The following TWIST2 variants were observed in gnomAD, a reference collection of about 807,000 sequenced individuals.
TWIST2 encodes the protein twist-related protein 2.
TWIST2 carries 1 observed loss-of-function variant against 11.6 expected under a neutral mutation model. The ratio of observed to expected loss-of-function variants is 0.09; its 90% CI spans 0.03 to 0.41. The LOEUF (loss-of-function observed/expected upper bound fraction) is 0.41, where lower values mean the gene tolerates loss of function less well. Among genes scored for constraint, TWIST2 ranks in the 10% least tolerant of loss-of-function variants. The probability of loss-of-function intolerance (pLI) is 0.98; values close to 1 mark genes in which losing one functional copy is unlikely to be tolerated. For synonymous variants in TWIST2, 87 were observed against 96.6 expected (o/e 0.90, Z 0.58); for missense variants, 168 against 226.4 (o/e 0.74, Z 1.66).
chr2:238,849,654 G>T (rs1338375178), intron 1 of TWIST2, among the ~76,000 whole-genome samples: 1 of 152,238 alleles, frequency 6.6e-6, no homozygotes, highest in Non-Finnish European at 1.5e-5. Context: ...CGGGCCCTGC[G>T]CGAGGAGAAG....
intron 1 of TWIST2, among the ~76,000 whole-genome samples, 155 bp from the exon 2 acceptor site, chr2:238,909,687 G>C (rs2106377588): frequency 6.6e-6 from 1 of 152,254 alleles, no homozygotes; most frequent in African/African-American, 2.4e-5. Flanking sequence ...CACCTGCCCA[G>C]TGTCTTTTGG....
chr2:238,890,957 C>T (rs191368267), intron 1 of TWIST2, among the ~76,000 whole-genome samples: 5 of 152,298 alleles, frequency 3.3e-5, no homozygotes, highest in Admixed American at 6.5e-5. Flanking sequence ...ACCTGCACCC[C>T]GGGACCTTGC....
chr2:238,893,436 G>C (rs1693172467), intron 1 of TWIST2, among the ~76,000 whole-genome samples: 1 of 152,154 alleles, frequency 6.6e-6, no homozygotes, highest in African/African-American at 2.4e-5. Context: ...GTTCAAGGGA[G>C]ACAGTCCCAG....
At chr2:238,884,995 C>A (rs1227022898) in intron 1 of TWIST2, among the ~76,000 whole-genome samples, 2 of 152,206 alleles carry the variant, frequency 1.3e-5, no homozygotes, top group African/African-American at 4.8e-5. Context: ...AAGAGAATGT[C>A]CACACGCTCG....
intron 1 of TWIST2, among the ~76,000 whole-genome samples, chr2:238,880,232 TATTA>T (rs1230444754): frequency 8.3e-6 from 1 of 119,776 alleles, no homozygotes. Context: ...TGTTAGTATT[TATTA>T]GTATTAGTGT....
At chr2:238,860,524 C>A (rs905346754) in intron 1 of TWIST2, among the ~76,000 whole-genome samples, 1 of 152,192 alleles carries the variant, frequency 6.6e-6, no homozygotes, top group African/African-American at 2.4e-5. Flanking sequence ...GATAGAAGCC[C>A]CAGAGATGGT....
At chr2:238,877,432 AG>A (rs1210848443) in intron 1 of TWIST2, among the ~76,000 whole-genome samples, 4 of 152,202 alleles carry the variant, frequency 2.6e-5, no homozygotes, top group African/African-American at 9.7e-5. Context: ...TATCAAAAAA[AG>A]AAATCATTTG....
chr2:238,871,430 GCC>G (rs1692697907), intron 1 of TWIST2, among the ~76,000 whole-genome samples: 1 of 22,676 alleles, frequency 4.4e-5, no homozygotes, highest in African/African-American at 1.9e-4. Flanking sequence ...AACCCCACAC[GCC>G]ACACACACAC....
rs143526163 is a variant in TWIST2, at chr2:238,865,299, A to G, written c.*35+16566A>G. The stretch of plus-strand genomic sequence containing the variant: ...TCCATGCCAAGTATGGCCCCATCCT[A>G]CTGAGTCGGGTCATTATGTCAGGGC... On this transcript the variant is annotated intron_variant, in intron 1 of 1. Coordinates refer to ENST00000612363, the MANE Select transcript of TWIST2 (RefSeq NM_001271893.4). 1.9e-3 allele frequency among the ~76,000 whole-genome samples: 290 copies of G among 152,176 alleles called. 2 individuals are homozygous for G. The highest frequency in any genetic ancestry group is 6.6e-3 in the African/African-American group (273 of 41,520).
chr2:238,870,587 A>T (rs1454488255), intron 1 of TWIST2, among the ~76,000 whole-genome samples: 1 of 17,884 alleles, frequency 5.6e-5, no homozygotes, highest in Admixed American at 6.2e-4. Flanking sequence ...ACACACACAC[A>T]CCACACACCC....
intron 1 of TWIST2, among the ~76,000 whole-genome samples, chr2:238,849,254 T>C (rs1449305901): frequency 1.3e-5 from 2 of 152,326 alleles, no homozygotes; most frequent in African/African-American, 2.4e-5. Context: ...TCTACCCAGC[T>C]GCTCGCGCCT....
chr2:238,879,337 C>T (rs1365660821), intron 1 of TWIST2, among the ~76,000 whole-genome samples: 1 of 152,140 alleles, frequency 6.6e-6, no homozygotes, highest in Non-Finnish European at 1.5e-5. Context: ...TCCCTGTCAG[C>T]CCACGACTGT....
At chr2:238,906,845 G>A (rs1232952587) in intron 1 of TWIST2, among the ~76,000 whole-genome samples, 2 of 152,180 alleles carry the variant, frequency 1.3e-5, no homozygotes, top group Admixed American at 6.5e-5. Context: ...CTCCCACCAC[G>A]CTCAGCCGCT....
At chr2:238,870,193 A>C (rs796433945) in intron 1 of TWIST2, among the ~76,000 whole-genome samples, 3 of 586 alleles carry the variant, frequency 5.1e-3, no homozygotes, top group East Asian at 0.062. Context: ...CACATCACAT[A>C]CCACACACAA....
At chr2:238,853,431 A>AGAGAG (rs1692277082) in intron 1 of TWIST2, among the ~76,000 whole-genome samples, 10 of 109,582 alleles carry the variant, frequency 9.1e-5, no homozygotes, top group South Asian at 2.6e-4. Flanking sequence ...GAGAGAGAGA[A>AGAGAG]GGAGAGAGGG....
chr2:238,860,938 A>AAAAC lies in TWIST2; in HGVS notation c.*35+12221_*35+12224dup, dbSNP rs201395191. Among the ~76,000 whole-genome samples the AAAAC allele has an allele frequency of 8.3e-3, 1,265 of 152,260 alleles. 28 individuals carry two copies. The highest frequency in any genetic ancestry group is 0.029 in the African/African-American group (1,199 of 41,524). On this transcript the variant is annotated intron_variant, in intron 1 of 1. Transcript: ENST00000612363. ...GGGTGACAGAGCAAGACTCCACCTC[A>AAAAC]AAACAAACAAACAAACAAAAAACTG...
intron 1 of TWIST2, among the ~76,000 whole-genome samples, chr2:238,907,805 C>T (rs902377773): frequency 0.02 from 3,062 of 150,304 alleles, 48 homozygotes; most frequent in Non-Finnish European, 0.034. Context: ...TAAACACACA[C>T]CACGCGCCAC....
chr2:238,889,555 T>C (rs771198474), intron 1 of TWIST2, among the ~76,000 whole-genome samples: 9 of 152,202 alleles, frequency 5.9e-5, no homozygotes, highest in Non-Finnish European at 1.3e-4. Context: ...AGAGCAGAGC[T>C]CCGTGCTCAC....
intron 1 of TWIST2, among the ~76,000 whole-genome samples, chr2:238,905,986 CGTGCGCGT>C (rs1693348673): frequency 2.1e-5 from 3 of 141,334 alleles, no homozygotes; most frequent in South Asian, 2.2e-4. Flanking sequence ...CGCGCGTGTA[CGTGCGCGT>C]GTGTGCGTGT....
Sources: gnomAD v4.1 joint callset for allele counts (sites outside exome capture counted in the v4.1 genomes callset) on GRCh38, gnomAD v4.1.1 for gene constraint, MANE v1.5 for transcripts, NCBI Gene and HGNC (gene_info 2026-07-23, HGNC 2026-07-21) for gene names.